SAMD3: variants seen among roughly 807,000 people sequenced by gnomAD.
SAMD3 encodes sterile alpha motif domain-containing protein 3.
SAMD3 carries 63 observed loss-of-function variants against 58.5 expected under a neutral mutation model. The observed-to-expected ratio is 1.08, with a 90% CI of 0.88 to 1.33. The LOEUF (loss-of-function observed/expected upper bound fraction) is 1.33, where lower values mean the gene tolerates loss of function less well. Ranked by LOEUF, SAMD3 falls within the 40% of genes most tolerant of loss-of-function variation. The pLI is 0.00. For synonymous variants in SAMD3, 220 were observed against 210.3 expected, an observed-to-expected ratio of 1.05 and a Z score of -0.40; for missense variants, 604 against 608.4, an observed-to-expected ratio of 0.99 and a Z score of 0.08.
Position 130,222,870 on chromosome 6 carries a change from C to G in SAMD3, c.-244G>C, listed in dbSNP as rs1364489130. ...GGAATCTTGGTTTCTCTTGAAAAAT[C>G]AAAAGTTCTGGTGATACTGGGTTCA... On this transcript the variant is annotated 5_prime_UTR_variant, in exon 1 of 12. Coordinates refer to ENST00000439090, the MANE Select transcript of SAMD3 (RefSeq NM_001017373.4). The G allele has an allele frequency of 6.6e-6, 1 of 152,118 alleles. No individual in the cohort carries two copies. Among genetic ancestry groups the G allele is most frequent in the Non-Finnish European group, 1.5e-5 (1 of 68,022 alleles). 9.4% of individuals were successfully genotyped at this position (152,118 alleles called of 1,614,324 possible).
At chr6:130,199,527 A>C (rs1932115) in intron 5 of SAMD3, among the ~76,000 whole-genome samples, 57,272 of 152,140 alleles carry the variant, frequency 0.38, 11,509 homozygotes, top group African/African-American at 0.48. Context: ...CATCCCTTCC[A>C]AATAGGGAAC....
intron 1 of SAMD3, among the ~76,000 whole-genome samples, chr6:130,329,041 T>C (rs201515714): frequency 7.2e-6 from 1 of 138,404 alleles, no homozygotes; most frequent in African/African-American, 2.7e-5. Flanking sequence ...TCTCTCTCTC[T>C]CCCTCTCTCT....
chr6:130,360,837 GGC>G (rs1777965645), intron 1 of SAMD3, among the ~76,000 whole-genome samples: 13 of 152,182 alleles, frequency 8.5e-5, no homozygotes, highest in Non-Finnish European at 1.3e-4. Context: ...CACCCTCAGG[GGC>G]ATATTCTCTT....
At chr6:130,177,930 GCAGTGCTTAGCTGGTAACTAACTCAC>G (rs1364462071) in intron 7 of SAMD3, among the ~76,000 whole-genome samples, 8 of 152,072 alleles carry the variant, frequency 5.3e-5, no homozygotes, top group Admixed American at 4.6e-4. Context: ...CTGAGTCTTG[GCAGTGCTTAGCTGGTAACTAACTCAC>G]TGCATGAGTG....
chr6:130,157,018 C>A (rs1371487531), intron 8 of SAMD3, among the ~76,000 whole-genome samples: 2 of 151,478 alleles, frequency 1.3e-5, no homozygotes, highest in African/African-American at 2.4e-5. Flanking sequence ...TGTGGTGAGC[C>A]AAGATGGTGC....
At chr6:130,251,272 G>T (rs553219120) in intron 2 of SAMD3, among the ~76,000 whole-genome samples, 5 of 151,986 alleles carry the variant, frequency 3.3e-5, no homozygotes, top group Admixed American at 6.6e-5. Context: ...TAAAATTTTG[G>T]TTATTTGTCT....
chr6:130,191,680 C>G (rs988810492), intron 5 of SAMD3, among the ~76,000 whole-genome samples: 6 of 150,206 alleles, frequency 4.0e-5, no homozygotes, highest in Admixed American at 4.0e-4. Flanking sequence ...TTGGTGCTTC[C>G]AATTTCATTG....
chr6:130,298,949 C>T (rs1775658034), intron 2 of SAMD3, among the ~76,000 whole-genome samples: 1 of 152,084 alleles, frequency 6.6e-6, no homozygotes, highest in Non-Finnish European at 1.5e-5. Context: ...TCAGAGTACC[C>T]ACATTTATAA....
intron 2 of SAMD3, among the ~76,000 whole-genome samples, chr6:130,274,753 T>TTTTC (rs1467139336): frequency 1.6e-5 from 1 of 63,606 alleles, no homozygotes; most frequent in African/African-American, 6.3e-5. Context: ...CCTAAATATC[T>TTTTC]TTTTTTTTTT....
At chr6:130,169,528 T>C (rs1039066610) in intron 8 of SAMD3, among the ~76,000 whole-genome samples, 8 of 152,202 alleles carry the variant, frequency 5.3e-5, no homozygotes, top group African/African-American at 1.9e-4. Flanking sequence ...ATCGTCTCTT[T>C]TTTAGCCTTA....
intron 9 of SAMD3, among the ~76,000 whole-genome samples, chr6:130,153,426 T>C (rs1313958838): frequency 2.0e-5 from 3 of 152,110 alleles, no homozygotes; most frequent in Non-Finnish European, 4.4e-5. Flanking sequence ...GCAATTCTTA[T>C]TTCCCTTTGC....
intron 1 of SAMD3, among the ~76,000 whole-genome samples, chr6:130,349,758 A>T (rs144218763): frequency 2.0e-4 from 30 of 152,272 alleles, no homozygotes; most frequent in African/African-American, 6.7e-4. Context: ...CTTGGCACAG[A>T]CACAACAAAA....
chr6:130,232,925 G>A (rs1306787974), intron 2 of SAMD3, among the ~76,000 whole-genome samples: 1 of 152,200 alleles, frequency 6.6e-6, no homozygotes, highest in Non-Finnish European at 1.5e-5. Context: ...TAAAGAGAGA[G>A]CATTTCAGAG....
At chr6:130,199,194 G>A (rs1323062446) in intron 5 of SAMD3, among the ~76,000 whole-genome samples, 1 of 152,188 alleles carries the variant, frequency 6.6e-6, no homozygotes, top group East Asian at 1.9e-4. Context: ...ACCATTGGGA[G>A]AGAAAGCAGT....
intron 9 of SAMD3, among the ~76,000 whole-genome samples, chr6:130,153,668 A>ATATATATATATATATATATATC (rs1789447209): frequency 7.2e-6 from 1 of 138,710 alleles, no homozygotes. Flanking sequence ...ATATATATTT[A>ATATATATATATATATATATATC]TTTATTTATT....
chr6:130,350,683 A>C (rs1157903650), intron 1 of SAMD3, among the ~76,000 whole-genome samples: 1 of 152,188 alleles, frequency 6.6e-6, no homozygotes, highest in Non-Finnish European at 1.5e-5. Context: ...ATTCCCATCA[A>C]ACTACCAATG....
intron 2 of SAMD3, chr6:130,215,812 G>A (rs1795974719): frequency 6.5e-7 from 1 of 1,534,712 alleles, no homozygotes; most frequent in Non-Finnish European, 8.7e-7. Flanking sequence ...GCTTCTCCTG[G>A]CTAGGAGAAG....
chr6:130,337,158 T>C (rs539333938), intron 1 of SAMD3, among the ~76,000 whole-genome samples: 6 of 152,272 alleles, frequency 3.9e-5, no homozygotes, highest in Middle Eastern at 3.4e-3. Flanking sequence ...GGGAGGGATC[T>C]GGTGGGAGGT....
chr6:130,175,710 T>C lies in SAMD3; in HGVS notation c.822+131A>G. 3 of 586,128 alleles carry C rather than the reference T, an allele frequency of 5.1e-6. No homozygotes were observed. In the South Asian group the frequency reaches 1.0e-4, roughly 19 times the overall value. 36.3% of individuals were successfully genotyped at this position (586,128 alleles called of 1,614,324 possible). On this transcript the variant is annotated intron_variant, in intron 8 of 11. Transcript: ENST00000439090. ...GCCAGGCAAAACAGACTTTCTTGGTTCTTAACTACACTTCAAATTTTAAAA... is the reference window on the plus strand; with the variant it reads ...GCCAGGCAAAACAGACTTTCTTGGTCCTTAACTACACTTCAAATTTTAAAA...
Sources: allele counts gnomAD v4.1 joint callset (sites outside exome capture counted in the v4.1 genomes callset), GRCh38; gene constraint gnomAD v4.1.1; transcripts MANE v1.5; gene names NCBI Gene and HGNC (gene_info 2026-07-23, HGNC 2026-07-21).